The following FXR1 variants were observed in gnomAD, a reference collection of about 807,000 sequenced individuals.
FXR1 encodes RNA-binding protein FXR1.
A neutral mutation model predicts 84.0 loss-of-function variants in FXR1; 15 were observed. The ratio of observed to expected loss-of-function variants is 0.18; its 90% CI spans 0.12 to 0.27. The LOEUF (loss-of-function observed/expected upper bound fraction) is 0.27. Ranked by LOEUF, FXR1 falls within the 10% of genes least tolerant of loss-of-function variation. The pLI, the probability that FXR1 is intolerant of heterozygous loss-of-function variation, is 1.00. For missense variants in FXR1, 480 were observed against 774.4 expected, an observed-to-expected ratio of 0.62 and a Z score of 4.51; for synonymous variants, 245 against 250.7, an observed-to-expected ratio of 0.98 and a Z score of 0.21.
intron 3 of FXR1, among the ~76,000 whole-genome samples, chr3:180,939,265 G>A (rs75556565): frequency 0.031 from 4,677 of 152,074 alleles, 242 homozygotes; most frequent in African/African-American, 0.11. Context: ...CCGGTGGGGG[G>A]GTGTGGGTGG....
intron 11 of FXR1, among the ~76,000 whole-genome samples, chr3:180,961,844 A>G (rs887682057): frequency 6.6e-6 from 1 of 152,182 alleles, no homozygotes; most frequent in African/African-American, 2.4e-5. Context: ...CTTTGTCTTC[A>G]TGCAATTTGA....
intron 14 of FXR1, among the ~76,000 whole-genome samples, chr3:180,969,131 C>T (rs921356786): frequency 6.6e-6 from 1 of 151,902 alleles, no homozygotes. Context: ...GGAACTTGTT[C>T]TTTGTTTGTT....
chr3:180,961,659 T>C (rs1712135946), intron 11 of FXR1, 105 bp downstream of exon 11: 1 of 562,780 alleles, frequency 1.8e-6, no homozygotes, highest in Non-Finnish European at 3.2e-6. Flanking sequence ...AAACATTTTA[T>C]ATTTGAAGTA....
At chr3:180,932,755 A>G (rs1384169382) in intron 1 of FXR1, among the ~76,000 whole-genome samples, 2 of 152,220 alleles carry the variant, frequency 1.3e-5, no homozygotes, top group Admixed American at 1.3e-4. Context: ...AATGGCAAAG[A>G]TAGTATTCAA....
chr3:180,951,188 A>T (rs1722203269), intron 7 of FXR1, 110 bp from the exon 8 acceptor site: 1 of 650,072 alleles, frequency 1.5e-6, no homozygotes, highest in African/African-American at 1.8e-5. Flanking sequence ...ACGCCACTGC[A>T]CCCTAGCCTT....
rs750019014 is a variant in FXR1, at chr3:180,935,164, T to A, written c.131T>A (p.Phe44Tyr). 6.3e-7 allele frequency: 1 copy of A among 1,583,462 alleles called. No individual in the cohort carries two copies. The highest frequency in any genetic ancestry group is 8.7e-7 in the Non-Finnish European group (1 of 1,152,556). The change falls in exon 3 of 17, where the codon TTT becomes TAT. Residue 44 changes from phenylalanine (F) to tyrosine (Y), a missense_variant. Phe to Tyr is a conservative substitution (Grantham distance 22). This residue lies in a region of FXR1 where 54 missense variants were observed against 74.2 expected (regional missense o/e 0.73). Coordinates refer to ENST00000357559, the MANE Select transcript of FXR1 (RefSeq NM_005087.4). ...NNWQPERQVP[F>Y]NEVRLPPPPD... is the part of the protein sequence containing the mutation. The stretch of plus-strand genomic sequence containing the variant: ...TGGCAACCAGAACGCCAGGTTCCAT[T>A]TAATGAAGTTAGATTACCACCACCA...
At chr3:180,927,835 A>G (rs1172759149) in intron 1 of FXR1, 1 of 418,140 alleles carries the variant, frequency 2.4e-6, no homozygotes, top group Non-Finnish European at 4.2e-6. Context: ...CCTAGTTCAT[A>G]TCCATCGATA....
intron 3 of FXR1, among the ~76,000 whole-genome samples, chr3:180,945,917 TTTGAGAAATACATTGA>T: frequency 7.8e-6 from 1 of 128,522 alleles, no homozygotes; most frequent in East Asian, 2.1e-4. Flanking sequence ...AAATACATCG[TTTGAGAAATACATTGA>T]GAACATTCAT....
chr3:180,929,259 G>C (rs1309221023), intron 1 of FXR1, among the ~76,000 whole-genome samples: 7 of 152,120 alleles, frequency 4.6e-5, no homozygotes, highest in Non-Finnish European at 1.0e-4. Context: ...TTTTGTCAGA[G>C]TTATGTGGGC....
intron 7 of FXR1, among the ~76,000 whole-genome samples, chr3:180,950,436 C>T (rs961126120): frequency 2.0e-5 from 3 of 151,432 alleles, no homozygotes; most frequent in African/African-American, 4.9e-5. Flanking sequence ...GAGTTTTGGC[C>T]TTTTTAAAAA....
intron 6 of FXR1, 123 bp from the exon 7 acceptor site, chr3:180,949,104 G>T (rs1393460393): frequency 1.1e-5 from 8 of 732,148 alleles, no homozygotes; most frequent in African/African-American, 1.7e-5. Flanking sequence ...AGAGTAGTGA[G>T]TGTTAGGTGA....
rs1175847788 is a variant in FXR1, at chr3:180,976,964, A to G, written c.*672A>G. 6.6e-6 allele frequency: 1 copy of G among 152,580 alleles called. No homozygotes were observed. Among genetic ancestry groups the G allele is most frequent in the Non-Finnish European group, 1.5e-5 (1 of 67,996 alleles). The allele number at this position is 152,580 out of a possible 1,614,324, so 9.5% of individuals were successfully genotyped here. A position where few individuals can be genotyped will look rare whatever the true frequency, so the allele number is the denominator to read the frequency against. ...AGCTTTAGTTAAAACACTAAGCTGA[A>G]TTAGTCATGTCCATTCAGACATAAC... On this transcript the variant is annotated 3_prime_UTR_variant, in exon 17 of 17. Transcript: ENST00000357559.
intron 10 of FXR1, among the ~76,000 whole-genome samples, chr3:180,959,962 A>G (rs936031800): frequency 6.6e-6 from 1 of 152,204 alleles, no homozygotes; most frequent in Admixed American, 6.5e-5. Context: ...TAGAACAAAA[A>G]AATCCCTAAA....
At chr3:180,953,050 C>A (rs1722391984) in intron 8 of FXR1, among the ~76,000 whole-genome samples, 1 of 151,876 alleles carries the variant, frequency 6.6e-6, no homozygotes, top group Admixed American at 6.6e-5. Flanking sequence ...CCTATGTTGC[C>A]CAGGCTGGTC....
intron 1 of FXR1, among the ~76,000 whole-genome samples, chr3:180,925,700 A>T (rs1438311794): frequency 6.6e-6 from 1 of 152,192 alleles, no homozygotes; most frequent in Non-Finnish European, 1.5e-5. Context: ...ATGTTAAATC[A>T]TTCAAATTGA....
chr3:180,938,811 G>A (rs1396106760), intron 3 of FXR1, among the ~76,000 whole-genome samples: 1 of 152,168 alleles, frequency 6.6e-6, no homozygotes, highest in African/African-American at 2.4e-5. Context: ...GCCTCCCAAA[G>A]TTCTGGGATT....
chr3:180,955,884 T>C (rs1722695892), intron 9 of FXR1, among the ~76,000 whole-genome samples: 1 of 152,224 alleles, frequency 6.6e-6, no homozygotes, highest in Non-Finnish European at 1.5e-5. Flanking sequence ...CTGTATCCTG[T>C]CTACGTTGGC....
intron 1 of FXR1, among the ~76,000 whole-genome samples, chr3:180,922,092 A>G (rs1718660632): frequency 6.6e-6 from 1 of 152,214 alleles, no homozygotes; most frequent in East Asian, 1.9e-4. Context: ...TATTAAATTC[A>G]GCCATTCCCC....
At chr3:180,929,093 G>A (rs1192460331) in intron 1 of FXR1, among the ~76,000 whole-genome samples, 2 of 152,032 alleles carry the variant, frequency 1.3e-5, no homozygotes, top group Non-Finnish European at 2.9e-5. Context: ...TGCTAATGTT[G>A]TATTTTTAGT....
Sources: gnomAD v4.1 joint callset for allele counts (sites outside exome capture counted in the v4.1 genomes callset) on GRCh38, gnomAD v4.1.1 for gene constraint, gnomAD v4.1.1 regional missense constraint, MANE v1.5 for transcripts, NCBI Gene and HGNC (gene_info 2026-07-23, HGNC 2026-07-21) for gene names.